Variants in XPA observed in about 807,000 individuals in gnomAD.
The protein encoded by XPA is DNA repair protein complementing XP-A cells.
XPA carries 27 observed loss-of-function variants against 35.7 expected under a neutral mutation model. That is an observed-to-expected ratio of 0.76 (90% CI 0.56 to 1.04). The LOEUF is 1.04. Ranked by LOEUF, XPA falls within the 50% of genes least tolerant of loss-of-function variation. The pLI, the probability that XPA is intolerant of heterozygous loss-of-function variation, is 0.00. For synonymous variants in XPA, 133 were observed against 118.4 expected (o/e 1.12, Z -0.80); for missense variants, 354 against 342.7 (o/e 1.03, Z -0.26).
In XPA at chr9:97,675,453, A is replaced by G; in HGVS notation, c.808T>C (p.Tyr270His). The G allele has an allele frequency of 6.2e-7, 1 of 1,613,024 alleles. No individual in the cohort carries two copies. Among genetic ancestry groups the G allele is most frequent in the Non-Finnish European group, 8.5e-7 (1 of 1,179,692 alleles). Residue 270 changes from tyrosine (Y) to histidine (H), a missense_variant, in exon 6 of 6, where the codon TAT becomes CAT. Transcript: ENST00000375128. ...GAACTAAAAAATCACATTTTTTCATATGTCAGTTCATGGCCACACATAGTA... is the reference window on the plus strand; with the variant it reads ...GAACTAAAAAATCACATTTTTTCATGTGTCAGTTCATGGCCACACATAGTA... ...TCTMCGHELT[Y>H]EKM
chr9:97,662,266 CAGTG>C, the XPA span: 1 of 701,400 alleles, frequency 1.4e-6, no homozygotes, highest in South Asian at 2.1e-5. Flanking sequence ...TAATTGGACA[CAGTG>C]GGTTTGGGTT....
chr9:97,665,693 G>A, the XPA span, among the ~76,000 whole-genome samples: 1 of 152,136 alleles, frequency 6.6e-6, no homozygotes, highest in Non-Finnish European at 1.5e-5. Context: ...GTCAAAATTT[G>A]TAGAAGGAAG....
At chr9:97,662,176 T>A in the XPA span, 3 of 1,531,048 alleles carry the variant, frequency 2.0e-6, no homozygotes, top group Non-Finnish European at 2.7e-6. Flanking sequence ...TGCTTGAGAG[T>A]TTGGAATTTT....
chr9:97,695,553 T>C (rs1829016710), intron 1 of XPA, among the ~76,000 whole-genome samples: 1 of 151,850 alleles, frequency 6.6e-6, no homozygotes, highest in Non-Finnish European at 1.5e-5. Flanking sequence ...AAAGCTGGAG[T>C]AGTCGAGCCC....
the XPA span, among the ~76,000 whole-genome samples, chr9:97,656,744 G>C: frequency 6.6e-6 from 1 of 151,940 alleles, no homozygotes; most frequent in Non-Finnish European, 1.5e-5. Context: ...TTTCCTTTGA[G>C]AATAAGCTGC....
the XPA span, among the ~76,000 whole-genome samples, chr9:97,668,172 C>T: frequency 6.6e-6 from 1 of 152,180 alleles, no homozygotes; most frequent in East Asian, 1.9e-4. Flanking sequence ...ACCTTAGAGC[C>T]ACGTTCTGGC....
At chr9:97,687,561 G>GT (rs1203238671) in intron 3 of XPA, among the ~76,000 whole-genome samples, 1 of 152,178 alleles carries the variant, frequency 6.6e-6, no homozygotes, top group African/African-American at 2.4e-5. Context: ...GAGGACCAGT[G>GT]TAACTAGAAG....
chr9:97,655,570 C>A, the XPA span: 1 of 612,882 alleles, frequency 1.6e-6, no homozygotes, highest in Non-Finnish European at 2.8e-6. Flanking sequence ...GATACAACTG[C>A]ATGTAGGGGA....
intron 5 of XPA, among the ~76,000 whole-genome samples, chr9:97,680,456 G>A (rs958755195): frequency 6.6e-5 from 10 of 152,216 alleles, no homozygotes; most frequent in Non-Finnish European, 1.0e-4. Flanking sequence ...TGATCTACCC[G>A]CCTCGGCCTC....
At chr9:97,675,622 G>T in intron 5 of XPA, 35 bp from the exon 6 acceptor site, 1 of 1,613,534 alleles carries the variant, frequency 6.2e-7, no homozygotes. Flanking sequence ...CTTTTCAGTG[G>T]TGCTATTCAG....
chr9:97,687,003 C>A, intron 4 of XPA, 93 bp downstream of exon 4: 1 of 1,305,676 alleles, frequency 7.7e-7, no homozygotes. Flanking sequence ...AGAGTTTTTC[C>A]ACACTCTGTA....
the XPA span, chr9:97,658,536 C>T: frequency 1.4e-5 from 12 of 844,536 alleles, no homozygotes; most frequent in Non-Finnish European, 2.4e-5. Flanking sequence ...TGGTTGTCAG[C>T]TGAGTTCAAG....
chr9:97,655,847 T>C, the XPA span: 1 of 1,415,170 alleles, frequency 7.1e-7, no homozygotes, highest in African/African-American at 1.4e-5. Flanking sequence ...GTCTGAAATA[T>C]TTAATTTCTT....
intron 5 of XPA, among the ~76,000 whole-genome samples, chr9:97,679,523 T>A (rs995278989): frequency 3.3e-5 from 5 of 152,016 alleles, no homozygotes; most frequent in African/African-American, 1.2e-4. Context: ...GACTTCAGAA[T>A]AAGAAACAAT....
the XPA span, among the ~76,000 whole-genome samples, chr9:97,659,428 T>C: frequency 6.6e-6 from 1 of 152,332 alleles, no homozygotes; most frequent in Non-Finnish European, 1.5e-5. Context: ...TGTGTGCCTG[T>C]TTCTCCACCT....
the XPA span, among the ~76,000 whole-genome samples, chr9:97,658,187 G>A: frequency 6.6e-6 from 1 of 151,892 alleles, no homozygotes; most frequent in African/African-American, 2.4e-5. Context: ...ATCCATAACT[G>A]TTTTTATGTC....
chr9:97,655,089 C>T, the XPA span: 1 of 563,596 alleles, frequency 1.8e-6, no homozygotes, highest in Non-Finnish European at 2.9e-6. Context: ...AATAACCAGA[C>T]TCATACTTAA....
chr9:97,662,248 A>G, the XPA span: 1 of 810,390 alleles, frequency 1.2e-6, no homozygotes, highest in South Asian at 1.7e-5. Context: ...GAAGATCTTA[A>G]TAGTGTATAA....
rs1329026754 is a variant in XPA at position 97,697,337 on chromosome 9, C to A, written c.-45G>T. The A allele has an allele frequency of 1.1e-5, 17 of 1,594,508 alleles. No individual in the cohort carries two copies. Among genetic ancestry groups the A allele is most frequent in the Non-Finnish European group, 1.4e-5 (17 of 1,178,280 alleles). On this transcript the variant is annotated 5_prime_UTR_variant, in exon 1 of 6. Transcript: ENST00000375128. The stretch of plus-strand genomic sequence containing the variant: ...CCTAGCTCCCAGCTCCACGCACGCG[C>A]ACTGCACGCCGAGGCGAGCCAGCCG...
Sources: gnomAD v4.1 joint callset for allele counts (sites outside exome capture counted in the v4.1 genomes callset) on GRCh38, gnomAD v4.1.1 for gene constraint, MANE v1.5 for transcripts, NCBI Gene and HGNC (gene_info 2026-07-23, HGNC 2026-07-21) for gene names.